Variants in MAP4K4 observed in about 807,000 individuals in gnomAD.
MAP4K4 encodes HPK/GCK-like kinase HGK.
MAP4K4 carries 38 observed loss-of-function variants against 189.6 expected under a neutral mutation model. The observed-to-expected ratio is 0.20, with a 90% CI of 0.15 to 0.26. MAP4K4 has a LOEUF of 0.26. Ranked by LOEUF, MAP4K4 falls within the 10% of genes least tolerant of loss-of-function variation. The pLI is 1.00. For synonymous variants in MAP4K4, 610 were observed against 624.3 expected (o/e 0.98, Z 0.34); for missense variants, 1,054 against 1,726.9 (o/e 0.61, Z 6.91).
intron 19 of MAP4K4, 49 bp from the exon 20 acceptor site, chr2:101,867,163 C>A: frequency 8.3e-7 from 1 of 1,201,174 alleles, no homozygotes; most frequent in Non-Finnish European, 1.2e-6. Context: ...TAATACACAT[C>A]CATATGTTGA....
At chr2:101,827,106 T>C (rs1559094401) in intron 5 of MAP4K4, among the ~76,000 whole-genome samples, 1 of 152,202 alleles carries the variant, frequency 6.6e-6, no homozygotes, top group African/African-American at 2.4e-5. Context: ...ATATGTAATA[T>C]GTACCTTTAG....
chr2:101,774,550 G>A (rs1168469276), intron 2 of MAP4K4, among the ~76,000 whole-genome samples: 1 of 152,180 alleles, frequency 6.6e-6, no homozygotes, highest in Non-Finnish European at 1.5e-5. Flanking sequence ...AGCAGTGCAA[G>A]AAGCTTATTA....
intron 2 of MAP4K4, among the ~76,000 whole-genome samples, chr2:101,718,895 G>C (rs902540234): frequency 6.6e-6 from 1 of 152,188 alleles, no homozygotes; most frequent in African/African-American, 2.4e-5. Flanking sequence ...AAAGAAGTTA[G>C]CATGGGAAAT....
rs188377376 is a variant in MAP4K4 at position 101,759,308 on chromosome 2, A to G, written c.124-31412A>G. ...AAAGAGCTCTTATCTGTTTTCTTTT[A>G]AGGAGTCTTTCATGACACCATCTCC... is the stretch of plus-strand genomic sequence containing the variant. On this transcript the variant is annotated intron_variant, in intron 2 of 32. Coordinates refer to ENST00000324219, the Ensembl canonical transcript of MAP4K4. Among the ~76,000 whole-genome samples, 395 of 152,044 alleles carry G rather than the reference A, an allele frequency of 2.6e-3. 3 individuals are homozygous for G. Among genetic ancestry groups the G allele is most frequent in the African/African-American group, 9.1e-3 (379 of 41,482 alleles).
chr2:101,857,006 T>C (rs569214532), intron 13 of MAP4K4, among the ~76,000 whole-genome samples: 1 of 152,368 alleles, frequency 6.6e-6, no homozygotes, highest in South Asian at 2.1e-4. Context: ...CTTTTTATGT[T>C]ACCTAATTGA....
intron 6 of MAP4K4, among the ~76,000 whole-genome samples, chr2:101,830,193 T>C (rs983256490): frequency 6.6e-6 from 1 of 152,170 alleles, no homozygotes; most frequent in African/African-American, 2.4e-5. Context: ...TGTATAGTTA[T>C]GTGATTGTTT....
At chr2:101,859,965 G>A (rs1281234818) in intron 15 of MAP4K4, 101 bp downstream of exon 15, 1 of 1,178,786 alleles carries the variant, frequency 8.5e-7, no homozygotes, top group Non-Finnish European at 1.2e-6. Context: ...ATAGAGTTTA[G>A]CTAATTATCT....
At chr2:101,698,325 C>T (rs1489062438) in intron 1 of MAP4K4, 148 bp from the exon 2 acceptor site, 4 of 799,380 alleles carry the variant, frequency 5.0e-6, no homozygotes, top group Admixed American at 5.1e-5. Flanking sequence ...ACGCCCCGAG[C>T]CCGCCGCGCG....
At chr2:101,842,569 C>A in intron 10 of MAP4K4, 40 bp from the exon 11 acceptor site, 1 of 1,471,120 alleles carries the variant, frequency 6.8e-7, no homozygotes, top group Non-Finnish European at 9.3e-7. Flanking sequence ...TGTGTCAGGA[C>A]TTGTGAACTG....
intron 14 of MAP4K4, 150 bp from the exon 15 acceptor site, chr2:101,859,493 A>T: frequency 1.6e-6 from 1 of 627,642 alleles, no homozygotes. Flanking sequence ...TCCACAGGTA[A>T]TGTGCTATTT....
At chr2:101,811,793 C>T (rs1244129841) in intron 3 of MAP4K4, among the ~76,000 whole-genome samples, 1 of 152,136 alleles carries the variant, frequency 6.6e-6, no homozygotes, top group Non-Finnish European at 1.5e-5. Flanking sequence ...GGCATGGCAA[C>T]TTACTGACCT....
intron 16 of MAP4K4, 114 bp downstream of exon 16, chr2:101,861,100 A>G (rs1467934346): frequency 7.2e-6 from 7 of 969,464 alleles, no homozygotes; most frequent in Non-Finnish European, 1.0e-5. Context: ...AAGAGGAGAG[A>G]TTAGCAGGAG....
In MAP4K4 at chr2:101,724,205, A is replaced by G. The variant is rs534694451; in HGVS notation, c.123+25667A>G. ...ATTCCAGCCAACCAATCAGTGTGCA[A>G]TGTCCTGTGCACTTGCTTGCCAGGT... On this transcript the variant is annotated intron_variant, in intron 2 of 32. Coordinates refer to ENST00000324219, the Ensembl canonical transcript of MAP4K4. 9.9e-5 allele frequency among the ~76,000 whole-genome samples: 15 copies of G among 152,280 alleles called. No homozygotes were observed. The East Asian group carries it at 1.9e-3, about 20-fold the overall frequency.
chr2:101,823,560 A>G (rs911392728), intron 3 of MAP4K4, among the ~76,000 whole-genome samples: 1 of 152,222 alleles, frequency 6.6e-6, no homozygotes, highest in Non-Finnish European at 1.5e-5. Flanking sequence ...GATAAGTTCA[A>G]ATAGTATCAG....
At chr2:101,760,758 C>T (rs1049386107) in intron 2 of MAP4K4, among the ~76,000 whole-genome samples, 7 of 152,108 alleles carry the variant, frequency 4.6e-5, no homozygotes, top group Non-Finnish European at 8.8e-5. Context: ...AATCCCACCA[C>T]TTTGGGAGGC....
At chr2:101,759,860 T>A (rs926193217) in intron 2 of MAP4K4, among the ~76,000 whole-genome samples, 9 of 148,404 alleles carry the variant, frequency 6.1e-5, no homozygotes, top group African/African-American at 2.2e-4. Context: ...GTCTCCTCTG[T>A]CTTGACAGGG....
chr2:101,831,669 G>C, intron 6 of MAP4K4, 52 bp from the exon 7 acceptor site: 1 of 1,550,250 alleles, frequency 6.5e-7, no homozygotes, highest in South Asian at 1.2e-5. Flanking sequence ...AAGTATATCT[G>C]GTTTGTAGTT....
At chr2:101,737,504 G>A (rs1449947135) in intron 2 of MAP4K4, among the ~76,000 whole-genome samples, 1 of 64,432 alleles carries the variant, frequency 1.6e-5, no homozygotes, top group Non-Finnish European at 2.9e-5. Context: ...AGTCATTGTT[G>A]TCTCATTTGA....
chr2:101,715,855 T>C (rs2048065437), intron 2 of MAP4K4, among the ~76,000 whole-genome samples: 1 of 152,226 alleles, frequency 6.6e-6, no homozygotes, highest in Non-Finnish European at 1.5e-5. Context: ...TCTGTATTTA[T>C]AGCCGCTCCC....
Sources: gnomAD v4.1 joint callset for allele counts (sites outside exome capture counted in the v4.1 genomes callset) on GRCh38, gnomAD v4.1.1 for gene constraint, MANE v1.5 for transcripts, NCBI Gene and HGNC (gene_info 2026-07-23, HGNC 2026-07-21) for gene names.